Variants in ZNF667 observed in about 807,000 individuals in gnomAD.
ZNF667 encodes the protein myocardial ischemic preconditioning upregulated 1 ortholog.
A neutral mutation model predicts 31.8 loss-of-function variants in ZNF667; 13 were observed. The observed-to-expected ratio is 0.41, with a 90% CI of 0.27 to 0.65. The LOEUF (loss-of-function observed/expected upper bound fraction) is 0.65. Among genes scored for constraint, ZNF667 ranks in the 30% least tolerant of loss-of-function variants. The pLI, the probability that ZNF667 is intolerant of heterozygous loss-of-function variation, is 0.32. For missense variants in ZNF667, 642 were observed against 725.6 expected (o/e 0.88, Z 1.32); for synonymous variants, 228 against 247.1 (o/e 0.92, Z 0.73).
intron 6 of ZNF667, among the ~76,000 whole-genome samples, chr19:56,450,464 G>A (rs1266973876): frequency 2.6e-5 from 4 of 152,138 alleles, no homozygotes; most frequent in Admixed American, 6.5e-5. Context: ...CTACAAGAAA[G>A]CCTATAGGGA....
intron 6 of ZNF667, among the ~76,000 whole-genome samples, chr19:56,446,258 C>T (rs183516784): frequency 2.0e-5 from 3 of 152,190 alleles, no homozygotes; most frequent in South Asian, 2.1e-4. Flanking sequence ...ATAATAATCA[C>T]GTACCTCACA....
chr19:56,448,626 T>A (rs1009645535), intron 6 of ZNF667, among the ~76,000 whole-genome samples: 2 of 108,076 alleles, frequency 1.9e-5, no homozygotes, highest in Non-Finnish European at 4.1e-5. Flanking sequence ...TTGGATATCA[T>A]CTCAACCACA....
chr19:56,470,275 G>C (rs998679345), intron 3 of ZNF667, among the ~76,000 whole-genome samples: 3 of 152,174 alleles, frequency 2.0e-5, no homozygotes, highest in African/African-American at 7.2e-5. Context: ...GGAAAAGGTC[G>C]CATTGACCGT....
chr19:56,462,380 C>T lies in ZNF667; in HGVS notation c.-10G>A. On this transcript the variant is annotated 5_prime_UTR_variant, in exon 4 of 7. Coordinates refer to ENST00000504904, the MANE Select transcript of ZNF667 (RefSeq NM_001321356.2). ...CCCGTGCAGAAGGCATCCTTTCCTCCCCCTTTAGGGTCCACACTGAGAGAT... is the reference window on the plus strand; with the variant it reads ...CCCGTGCAGAAGGCATCCTTTCCTCTCCCTTTAGGGTCCACACTGAGAGAT... 6.2e-7 allele frequency: 1 copy of T among 1,614,194 alleles called. No individual in the cohort carries two copies. The highest frequency in any genetic ancestry group is 1.1e-5 in the South Asian group (1 of 91,090).
At chr19:56,475,262 A>T (rs2043377314) in intron 1 of ZNF667, 1 of 152,242 alleles carries the variant, frequency 6.6e-6, no homozygotes, top group Non-Finnish European at 1.5e-5. Flanking sequence ...AGACTAGCAC[A>T]GTGCCCAATC....
At chr19:56,456,703 T>C (rs956383895) in intron 6 of ZNF667, among the ~76,000 whole-genome samples, 6 of 152,158 alleles carry the variant, frequency 3.9e-5, no homozygotes, top group African/African-American at 1.4e-4. Context: ...ACTAGTAACA[T>C]AGAACATTTC....
intron 6 of ZNF667, 43 bp downstream of exon 6, chr19:56,458,112 C>G: frequency 1.3e-6 from 2 of 1,531,578 alleles, no homozygotes; most frequent in Non-Finnish European, 1.8e-6. Context: ...GTTATAGCAG[C>G]CCCAGTAGAC....
At chr19:56,453,097 C>T (rs2042867991) in intron 6 of ZNF667, among the ~76,000 whole-genome samples, 1 of 152,044 alleles carries the variant, frequency 6.6e-6, no homozygotes, top group African/African-American at 2.4e-5. Flanking sequence ...TATGAGCAAC[C>T]TAGGCCAATA....
rs775431591 is a variant in ZNF667, at chr19:56,441,375, T to C, written c.1620A>G (p.Thr540=). 7 of 1,614,202 alleles carry C rather than the reference T, an allele frequency of 4.3e-6. No homozygotes were observed. The East Asian group carries it at 8.9e-5, about 21-fold the overall frequency. The part of the protein sequence containing the change: ...KTCGKAFSQR[T]SLILHERSHT... ...GACTTCTTTCATGTAGAATAAGAGA[T>C]GTGCGCTGACTAAAGGCCTTACCAC... Residue 540 remains threonine (T), a synonymous_variant, in exon 7 of 7, where the codon ACA becomes ACG. Transcript: ENST00000504904. This position sits in a 1 kb window ranked among gnomAD's most constrained non-coding sequence, Gnocchi z 4.2.
At chr19:56,471,600 CTT>C (rs2147839812) in intron 3 of ZNF667, 97 bp downstream of exon 3, 1 of 152,310 alleles carries the variant, frequency 6.6e-6, no homozygotes, top group South Asian at 2.1e-4. Flanking sequence ...ACAGAAAACT[CTT>C]TTGATTTCTT....
intron 3 of ZNF667, 104 bp from the exon 4 acceptor site, chr19:56,462,533 G>GCACA: frequency 1.4e-6 from 1 of 711,120 alleles, no homozygotes. Flanking sequence ...ATATGCACGT[G>GCACA]CACACACACA....
intron 6 of ZNF667, among the ~76,000 whole-genome samples, chr19:56,451,476 C>A (rs1362932835): frequency 6.6e-6 from 1 of 152,154 alleles, no homozygotes; most frequent in Non-Finnish European, 1.5e-5. Flanking sequence ...TATTTACAGA[C>A]AATTTCATCC....
chr19:56,448,308 T>C (rs1009487021), intron 6 of ZNF667, among the ~76,000 whole-genome samples: 6 of 152,034 alleles, frequency 3.9e-5, no homozygotes, highest in Admixed American at 2.6e-4. Flanking sequence ...AGCCTAAGAA[T>C]TGTCCACCAC....
In ZNF667 at chr19:56,474,003, C is replaced by T. The variant is rs967060961; in HGVS notation, c.-549+9G>A. On this transcript the variant is annotated intron_variant, in intron 2 of 6. Transcript: ENST00000504904. Reference sequence around the variant, plus strand: ...CAAATGAAATAAAAGAAGGCTGGATCGCACATACCACATCAAGGCAGGGCT... The same window carrying T: ...CAAATGAAATAAAAGAAGGCTGGATTGCACATACCACATCAAGGCAGGGCT... 6.6e-6 allele frequency: 1 copy of T among 152,160 alleles called. No homozygotes were observed. The highest frequency in any genetic ancestry group is 2.1e-4 in the South Asian group (1 of 4,822). 9.4% of individuals were successfully genotyped at this position (152,160 alleles called of 1,614,324 possible). A position where few individuals can be genotyped will look rare whatever the true frequency, so the allele number is the denominator to read the frequency against.
intron 6 of ZNF667, among the ~76,000 whole-genome samples, chr19:56,452,013 T>A (rs1485114410): frequency 6.7e-6 from 1 of 148,550 alleles, no homozygotes; most frequent in Non-Finnish European, 1.5e-5. Context: ...TTAAACAATA[T>A]AATACTGAAT....
At chr19:56,443,196 C>G (rs1286424662) in intron 6 of ZNF667, among the ~76,000 whole-genome samples, 1 of 152,110 alleles carries the variant, frequency 6.6e-6, no homozygotes, top group Non-Finnish European at 1.5e-5. Flanking sequence ...TTGATGGTTA[C>G]ACACTCTGTA....
chr19:56,442,450 C>T lies in ZNF667; in HGVS notation c.545G>A (p.Arg182Lys). ...ATGAAGTAGGATGGATGAGATCTGT[C>T]TGAAAGCTTTTCTACAATTACTGCA... ...FECSNCRKAF[R>K]QISSILLHQR... The change falls in exon 7 of 7, where the codon AGA (arginine) becomes AAA (lysine). Residue 182 changes from arginine (R) to lysine (K), a missense_variant. Arg to Lys is a conservative substitution (Grantham distance 26, BLOSUM62 2). Coordinates refer to ENST00000504904, the MANE Select transcript of ZNF667 (RefSeq NM_001321356.2). 1.2e-6 allele frequency: 2 copies of T among 1,614,028 alleles called. No individual in the cohort carries two copies. Among genetic ancestry groups the T allele is most frequent in the Non-Finnish European group, 8.5e-7 (1 of 1,179,974 alleles).
At chr19:56,445,993 C>G (rs1005043412) in intron 6 of ZNF667, among the ~76,000 whole-genome samples, 1 of 152,068 alleles carries the variant, frequency 6.6e-6, no homozygotes, top group South Asian at 2.1e-4. Flanking sequence ...ACCTCCAACA[C>G]TGAGGATTAA....
At chr19:56,464,163 T>C (rs1171288065) in intron 3 of ZNF667, among the ~76,000 whole-genome samples, 1 of 152,196 alleles carries the variant, frequency 6.6e-6, no homozygotes, top group Non-Finnish European at 1.5e-5. Context: ...TTGATAACTG[T>C]TTATATTGGC....
Sources: allele counts gnomAD v4.1 joint callset (sites outside exome capture counted in the v4.1 genomes callset), GRCh38; gene constraint gnomAD v4.1.1; non-coding constraint Gnocchi (gnomAD v3.1); transcripts MANE v1.5; gene names NCBI Gene and HGNC (gene_info 2026-07-23, HGNC 2026-07-21).